RPH3A: variants seen among roughly 807,000 people sequenced by gnomAD.
RPH3A encodes rabphilin-3A.
Under a neutral mutation model 102.2 loss-of-function variants are expected in RPH3A, and 48 were observed. The ratio of observed to expected loss-of-function variants is 0.47; its 90% CI spans 0.37 to 0.60. The LOEUF is 0.60. Among genes scored for constraint, RPH3A ranks in the 20% least tolerant of loss-of-function variants. RPH3A has a pLI of 0.00. For synonymous variants in RPH3A, 310 were observed against 324.3 expected, an observed-to-expected ratio of 0.96 and a Z score of 0.47; for missense variants, 781 against 910.1, an observed-to-expected ratio of 0.86 and a Z score of 1.83.
At chr12:112,828,803 G>T (rs1000332713) in intron 3 of RPH3A, among the ~76,000 whole-genome samples, 5 of 152,226 alleles carry the variant, frequency 3.3e-5, no homozygotes, top group South Asian at 2.1e-4. Context: ...TTGCAGAAGT[G>T]TATGTGTAGG....
intron 3 of RPH3A, among the ~76,000 whole-genome samples, chr12:112,831,402 GTCTCAACA>G (rs913918306): frequency 7.2e-5 from 11 of 152,204 alleles, no homozygotes; most frequent in East Asian, 3.9e-4. Context: ...GTTACTCACT[GTCTCAACA>G]TCTTCCTCTA....
At chr12:112,610,002 C>T (rs2039626551) in intron 1 of RPH3A, among the ~76,000 whole-genome samples, 1 of 152,160 alleles carries the variant, frequency 6.6e-6, no homozygotes, top group Non-Finnish European at 1.5e-5. Context: ...ACTCTTCCTA[C>T]AGCCCACAAG....
At chr12:112,730,439 T>G (rs531691462) in intron 1 of RPH3A, among the ~76,000 whole-genome samples, 1 of 152,294 alleles carries the variant, frequency 6.6e-6, no homozygotes, top group East Asian at 1.9e-4. Context: ...GTGTCTGCAT[T>G]TGAACCAGGT....
chr12:112,827,006 T>C (rs2041888402), intron 2 of RPH3A, among the ~76,000 whole-genome samples: 1 of 152,172 alleles, frequency 6.6e-6, no homozygotes, highest in South Asian at 2.1e-4. Context: ...TAGATGGACT[T>C]TTAGCTAACA....
chr12:112,824,732 A>G (rs2041837770), intron 2 of RPH3A, among the ~76,000 whole-genome samples: 1 of 152,086 alleles, frequency 6.6e-6, no homozygotes, highest in Admixed American at 6.6e-5. Flanking sequence ...TCTGGCCTGG[A>G]GGGATGGAGC....
intron 1 of RPH3A, among the ~76,000 whole-genome samples, chr12:112,686,747 T>G (rs1435192554): frequency 1.3e-5 from 2 of 152,222 alleles, no homozygotes; most frequent in Non-Finnish European, 2.9e-5. Flanking sequence ...TAATGGTGGT[T>G]GTTTTAAGTC....
chr12:112,694,142 G>C (rs2040327984), intron 1 of RPH3A, among the ~76,000 whole-genome samples: 1 of 152,176 alleles, frequency 6.6e-6, no homozygotes, highest in Non-Finnish European at 1.5e-5. Context: ...GCCCTCCTTT[G>C]CCTGCGGTGC....
Position 112,869,914 on chromosome 12 carries a change from C to T in RPH3A, c.671C>T (p.Pro224Leu). Residue 224 changes from proline (P) to leucine (L), a missense_variant, in exon 10 of 22, where the codon CCC becomes CTC. Physicochemically the swap from Pro to Leu is moderately conservative, Grantham distance 98 (BLOSUM62 -3). Around this residue, in one of 2 missense-constraint regions of RPH3A, gnomAD observed 730 missense variants for 810.0 expected, o/e 0.90. Transcript: ENST00000389385. The stretch of plus-strand genomic sequence containing the variant: ...CCAGGCCCTGACCCAGCCTCTGCTC[C>T]CGGGCGAGGAAACTATGGGCCTCCC... ...QKTGPDPASAPGRGNYGPPVR... is the reference protein window; with the variant it reads ...QKTGPDPASALGRGNYGPPVR... The T allele has an allele frequency of 1.2e-6, 2 of 1,614,080 alleles. No homozygotes were observed. Among genetic ancestry groups the T allele is most frequent in the South Asian group, 2.2e-5 (2 of 91,062 alleles).
chr12:112,699,735 CTG>C (rs1396681645), intron 1 of RPH3A, among the ~76,000 whole-genome samples: 1 of 152,146 alleles, frequency 6.6e-6, no homozygotes, highest in African/African-American at 2.4e-5. Context: ...CGCTTAAAAT[CTG>C]TTCGTTTTAT....
chr12:112,837,865 T>TCCTTCCCTCCTTCCCCCCTC, intron 4 of RPH3A: 2 of 447,176 alleles, frequency 4.5e-6, no homozygotes, highest in Non-Finnish European at 8.9e-6. Context: ...CTCCCCTCCT[T>TCCTTCCCTCCTTCCCCCCTC]CCCTCCCTCC....
At chr12:112,651,091 G>A (rs1044382855) in intron 1 of RPH3A, among the ~76,000 whole-genome samples, 10 of 151,534 alleles carry the variant, frequency 6.6e-5, no homozygotes, top group African/African-American at 2.4e-4. Flanking sequence ...CTGGTGTGGT[G>A]ACTCATGTCT....
chr12:112,800,572 G>A lies in RPH3A; in HGVS notation c.-19+8309G>A, dbSNP rs115455644. ...ATGATTGTTTTGGTCTCTGAGTGGA[G>A]AGGGGAGTGCAGGAGGTGGGATGGA... On this transcript the variant is annotated intron_variant, in intron 2 of 21. Transcript: ENST00000389385. Among the ~76,000 whole-genome samples, 298 of 152,302 alleles carry A rather than the reference G, an allele frequency of 2.0e-3. 1 individual carries two copies. Among genetic ancestry groups the A allele is most frequent in the African/African-American group, 6.9e-3 (285 of 41,556 alleles).
chr12:112,702,274 T>A (rs2040399682), intron 1 of RPH3A, among the ~76,000 whole-genome samples: 1 of 152,186 alleles, frequency 6.6e-6, no homozygotes, highest in Admixed American at 6.5e-5. Flanking sequence ...TGCCCATACT[T>A]CCCCTTCTGG....
chr12:112,828,228 T>C (rs1031546627), intron 2 of RPH3A, 73 bp from the exon 3 acceptor site: 2 of 1,015,052 alleles, frequency 2.0e-6, no homozygotes, highest in South Asian at 2.7e-5. Flanking sequence ...GTGTGTGGCA[T>C]AAAGCAGGGA....
intron 5 of RPH3A, among the ~76,000 whole-genome samples, chr12:112,856,484 ATGTG>A (rs3837520): frequency 0.36 from 53,586 of 149,158 alleles, 9,672 homozygotes; most frequent in East Asian, 0.56. Context: ...ACACATGTGC[ATGTG>A]TGTGTGTGTG....
chr12:112,734,870 G>A (rs552148456), intron 1 of RPH3A, among the ~76,000 whole-genome samples: 65 of 152,230 alleles, frequency 4.3e-4, no homozygotes, highest in Admixed American at 3.3e-3. Context: ...AGTCCCTTTC[G>A]TCACCATCTT....
chr12:112,693,576 C>T (rs528588922), intron 1 of RPH3A, among the ~76,000 whole-genome samples: 1 of 152,322 alleles, frequency 6.6e-6, no homozygotes, highest in Non-Finnish European at 1.5e-5. Flanking sequence ...GCCTTTGCTC[C>T]TGCCACGTGG....
chr12:112,843,437 C>A (rs1201308785), intron 4 of RPH3A, among the ~76,000 whole-genome samples: 4 of 152,194 alleles, frequency 2.6e-5, no homozygotes, highest in Non-Finnish European at 4.4e-5. Flanking sequence ...CCAGCAGCCT[C>A]CAGCAGGGCT....
intron 1 of RPH3A, among the ~76,000 whole-genome samples, chr12:112,651,512 T>A (rs2039975066): frequency 6.6e-6 from 1 of 152,222 alleles, no homozygotes; most frequent in Non-Finnish European, 1.5e-5. Flanking sequence ...GTTCTATAGA[T>A]CTGTCTCACT....
Sources: allele counts gnomAD v4.1 joint callset (sites outside exome capture counted in the v4.1 genomes callset), GRCh38; gene constraint gnomAD v4.1.1; regional missense constraint gnomAD v4.1.1; transcripts MANE v1.5; gene names NCBI Gene and HGNC (gene_info 2026-07-23, HGNC 2026-07-21).